The following ASTN2 variants were observed in gnomAD, a reference collection of about 807,000 sequenced individuals.
The protein encoded by ASTN2 is astrotactin 2.
A neutral mutation model predicts 139.8 loss-of-function variants in ASTN2; 54 were observed. The ratio of observed to expected loss-of-function variants is 0.39; its 90% CI spans 0.31 to 0.48. ASTN2 has a LOEUF of 0.48. ASTN2 is among the 20% of genes least tolerant of loss of function. ASTN2 has a pLI of 0.95. For synonymous variants in ASTN2, 756 were observed against 719.5 expected, an observed-to-expected ratio of 1.05 and a Z score of -0.81; for missense variants, 1,565 against 1,725.1, an observed-to-expected ratio of 0.91 and a Z score of 1.64.
intron 3 of ASTN2, among the ~76,000 whole-genome samples, chr9:117,171,012 C>A (rs1830779586): frequency 6.6e-6 from 1 of 152,098 alleles, no homozygotes; most frequent in Non-Finnish European, 1.5e-5. Flanking sequence ...GGAACCGCAT[C>A]ATTACCACCA....
At chr9:117,335,992 G>A (rs529059769) in intron 1 of ASTN2, among the ~76,000 whole-genome samples, 3 of 147,444 alleles carry the variant, frequency 2.0e-5, no homozygotes, top group South Asian at 2.2e-4. Flanking sequence ...AACAACACAC[G>A]ACAGCTTCGT....
At chr9:117,248,639 G>T (rs4448358) in intron 2 of ASTN2, among the ~76,000 whole-genome samples, 1,646 of 152,302 alleles carry the variant, frequency 0.011, 37 homozygotes, top group African/African-American at 0.038. Flanking sequence ...GACAAGACAG[G>T]TCTATGTCAG....
chr9:117,040,416 T>C (rs1197945239), intron 5 of ASTN2, among the ~76,000 whole-genome samples: 1 of 152,242 alleles, frequency 6.6e-6, no homozygotes, highest in Non-Finnish European at 1.5e-5. Context: ...TTGGCCCTCA[T>C]TGGCTCTGTG....
intron 5 of ASTN2, 76 bp from the exon 6 acceptor site, chr9:117,040,041 T>G (rs990788968): frequency 7.0e-7 from 1 of 1,422,620 alleles, no homozygotes; most frequent in African/African-American, 1.4e-5. Context: ...GTTTGGGAAT[T>G]CTATTATTTT....
chr9:117,382,797 C>A (rs559039861), intron 1 of ASTN2, among the ~76,000 whole-genome samples: 1 of 152,204 alleles, frequency 6.6e-6, no homozygotes, highest in East Asian at 1.9e-4. Context: ...TTTGCCATTC[C>A]TGCTGTACGA....
At chr9:117,001,775 G>T (rs758341591) in intron 7 of ASTN2, among the ~76,000 whole-genome samples, 1 of 152,028 alleles carries the variant, frequency 6.6e-6, no homozygotes, top group Non-Finnish European at 1.5e-5. Context: ...TGTTCTTCAG[G>T]CATGGGGCAC....
chr9:117,203,982 G>A (rs1056615510), intron 3 of ASTN2, among the ~76,000 whole-genome samples: 1 of 152,202 alleles, frequency 6.6e-6, no homozygotes, highest in African/African-American at 2.4e-5. Flanking sequence ...GGTCCACAGA[G>A]AATGTGGCCA....
intron 2 of ASTN2, among the ~76,000 whole-genome samples, chr9:117,244,277 A>C (rs1004411417): frequency 6.6e-6 from 1 of 152,184 alleles, no homozygotes; most frequent in Non-Finnish European, 1.5e-5. Context: ...AGTCTAATAC[A>C]GTACACCTGT....
intron 5 of ASTN2, among the ~76,000 whole-genome samples, chr9:117,047,101 G>T (rs1233952107): frequency 6.6e-6 from 1 of 152,096 alleles, no homozygotes; most frequent in Non-Finnish European, 1.5e-5. Flanking sequence ...CCTGAGCTCT[G>T]GTGTCTCTGC....
chr9:117,227,335 T>C (rs1192988525), intron 2 of ASTN2, among the ~76,000 whole-genome samples: 1 of 152,232 alleles, frequency 6.6e-6, no homozygotes, highest in Non-Finnish European at 1.5e-5. Flanking sequence ...TTCATGGCCT[T>C]AATAGAATGG....
chr9:116,646,156 G>A (rs1397196471), intron 17 of ASTN2, among the ~76,000 whole-genome samples: 1 of 152,182 alleles, frequency 6.6e-6, no homozygotes, highest in East Asian at 1.9e-4. Flanking sequence ...AGCCGGTAGA[G>A]CAAAGAACCT....
intron 10 of ASTN2, among the ~76,000 whole-genome samples, chr9:116,960,054 CTT>C (rs1306860985): frequency 6.6e-6 from 1 of 152,010 alleles, no homozygotes; most frequent in African/African-American, 2.4e-5. Context: ...GGATTGTAAA[CTT>C]TTTTTTAATG....
rs1285163261 is a variant in ASTN2 at position 116,423,891 on chromosome 9, G to GT, written c.*1959dup. Among the ~76,000 whole-genome samples, 2 of 152,088 alleles carry GT rather than the reference G, an allele frequency of 1.3e-5. No individual in the cohort carries two copies. Among genetic ancestry groups the GT allele is most frequent in the Non-Finnish European group, 2.9e-5 (2 of 68,020 alleles). ...TTTGCCAAATTGAGAAGTAGGCATG[G>GT]TTTTTTTCTTTTTTACTCACCACTA... On this transcript the variant is annotated 3_prime_UTR_variant, in exon 23 of 23. Transcript: ENST00000313400.
At chr9:116,824,653 C>A (rs7860939) in intron 11 of ASTN2, among the ~76,000 whole-genome samples, 108,435 of 152,166 alleles carry the variant, frequency 0.71, 38,772 homozygotes, top group Admixed American at 0.79. Flanking sequence ...GAATTTCTGA[C>A]CCTTAAAAAT....
chr9:116,665,988 G>C (rs1463198179), intron 16 of ASTN2, among the ~76,000 whole-genome samples: 2 of 152,138 alleles, frequency 1.3e-5, no homozygotes, highest in South Asian at 4.1e-4. Flanking sequence ...CTGGATTTCA[G>C]GGTAACCATA....
chr9:117,181,556 T>C lies in ASTN2; in HGVS notation c.1015+32802A>G, dbSNP rs145385231. ...CAAGACTCTCTTCTATTTTATTTTATAGCATGCTAGACAACAGGATAGCAC... is the reference window on the plus strand; with the variant it reads ...CAAGACTCTCTTCTATTTTATTTTACAGCATGCTAGACAACAGGATAGCAC... On this transcript the variant is annotated intron_variant, in intron 3 of 22. Coordinates refer to ENST00000313400, the MANE Select transcript of ASTN2 (RefSeq NM_001365068.1). 8.1e-3 allele frequency among the ~76,000 whole-genome samples: 1,229 copies of C among 152,238 alleles called. 14 individuals carry two copies. The highest frequency in any genetic ancestry group is 0.028 in the African/African-American group (1,169 of 41,546).
At chr9:117,171,339 G>A (rs926381364) in intron 3 of ASTN2, among the ~76,000 whole-genome samples, 5 of 152,142 alleles carry the variant, frequency 3.3e-5, no homozygotes, top group African/African-American at 1.2e-4. Flanking sequence ...ATGGGTTCCT[G>A]GCCTAGCTGT....
chr9:116,575,756 C>T (rs1249155917), intron 19 of ASTN2, among the ~76,000 whole-genome samples: 1 of 152,148 alleles, frequency 6.6e-6, no homozygotes, highest in Non-Finnish European at 1.5e-5. Context: ...AAAATATTGA[C>T]TGTGTGCCTC....
intron 10 of ASTN2, among the ~76,000 whole-genome samples, chr9:116,906,565 C>T (rs1276144730): frequency 6.6e-6 from 1 of 152,190 alleles, no homozygotes. Flanking sequence ...ATGTTAAATA[C>T]TGTTGGTCTA....
Sources: gnomAD v4.1 joint callset for allele counts (sites outside exome capture counted in the v4.1 genomes callset) on GRCh38, gnomAD v4.1.1 for gene constraint, MANE v1.5 for transcripts, NCBI Gene and HGNC (gene_info 2026-07-23, HGNC 2026-07-21) for gene names.